ACOX1: variants seen among roughly 807,000 people sequenced by gnomAD.
ACOX1 encodes the protein peroxisomal acyl-coenzyme A oxidase 1.
A neutral mutation model predicts 75.5 loss-of-function variants in ACOX1; 41 were observed. The ratio of observed to expected loss-of-function variants is 0.54; its 90% CI spans 0.42 to 0.70. ACOX1 has a LOEUF of 0.70. Among genes scored for constraint, ACOX1 ranks in the 30% least tolerant of loss-of-function variants. The pLI is 0.00. For missense variants in ACOX1, 630 were observed against 837.5 expected (o/e 0.75, Z 3.06); for synonymous variants, 303 against 298.8 (o/e 1.01, Z -0.15).
At chr17:75,967,620 A>ATATATATACG (rs1491445873) in intron 2 of ACOX1, among the ~76,000 whole-genome samples, 5 of 91,924 alleles carry the variant, frequency 5.4e-5, no homozygotes, top group Admixed American at 2.8e-4. Context: ...ATATACATAC[A>ATATATATACG]TATATATATA....
intron 2 of ACOX1, among the ~76,000 whole-genome samples, chr17:75,967,193 G>A (rs1369278295): frequency 1.3e-5 from 2 of 152,106 alleles, no homozygotes; most frequent in Non-Finnish European, 2.9e-5. Flanking sequence ...AGAAGAGGCC[G>A]GGCGTGGTGG....
At chr17:75,972,327 C>CA (rs58820718) in intron 2 of ACOX1, among the ~76,000 whole-genome samples, 15,508 of 110,796 alleles carry the variant, frequency 0.14, 1,301 homozygotes, top group African/African-American at 0.26. Context: ...ACTCTGTCTC[C>CA]AAAAAAAAAA....
intron 2 of ACOX1, among the ~76,000 whole-genome samples, chr17:75,970,714 T>A (rs901647337): frequency 1.3e-5 from 2 of 152,246 alleles, no homozygotes; most frequent in Admixed American, 1.3e-4. Flanking sequence ...TGTTCACTGT[T>A]GATCCATTTT....
At chr17:75,963,212 T>G (rs373009868) in intron 2 of ACOX1, among the ~76,000 whole-genome samples, 1 of 152,118 alleles carries the variant, frequency 6.6e-6, no homozygotes, top group Non-Finnish European at 1.5e-5. Flanking sequence ...CCTGAAAAGT[T>G]ACCTACTGGG....
In ACOX1 at chr17:75,960,464, C is replaced by A. The variant is rs74757021; in HGVS notation, c.270-89G>T. On this transcript the variant is annotated intron_variant, in intron 2 of 13. Coordinates refer to ENST00000293217, the MANE Select transcript of ACOX1 (RefSeq NM_004035.7). This position sits in a 1 kb window ranked among gnomAD's most constrained non-coding sequence, Gnocchi z 4.4. The stretch of plus-strand genomic sequence containing the variant: ...ATTTAAATAGAGCAAGGGAAGGAGA[C>A]AAAAAAACCTTAAGTATGAATTAGT... The A allele has an allele frequency of 1.4e-6, 2 of 1,379,922 alleles. No homozygotes were observed. The highest frequency in any genetic ancestry group is 2.0e-5 in the Admixed American group (1 of 50,906). The allele number at this position is 1,379,922 out of a possible 1,614,324, so 85.5% of individuals were successfully genotyped here.
Position 75,978,409 on chromosome 17 carries a change from A to T in ACOX1, c.269+125T>A. 1 of 1,340,614 alleles carries T rather than the reference A, an allele frequency of 7.5e-7. No homozygotes were observed. Among genetic ancestry groups the T allele is most frequent in the Non-Finnish European group, 1.1e-6 (1 of 942,716 alleles). The allele number at this position is 1,340,614 out of a possible 1,614,324, so 83.0% of individuals were successfully genotyped here. On this transcript the variant is annotated intron_variant, in intron 2 of 13. Transcript: ENST00000293217. The surrounding 1 kb of genome is among the most constrained non-coding windows in gnomAD (Gnocchi z 4.2). ...CGCCCGGCCACACATATAACTTTAT[A>T]AAGTTGCATGAAAATATGCCAGTTT... is the stretch of plus-strand genomic sequence containing the variant.
chr17:75,971,291 CAA>C (rs376674086), intron 2 of ACOX1, among the ~76,000 whole-genome samples: 51 of 92,304 alleles, frequency 5.5e-4, no homozygotes, highest in Admixed American at 4.6e-4. Flanking sequence ...AACTCTGTCT[CAA>C]AAAAAAAAAA....
At chr17:75,953,709 G>T in intron 6 of ACOX1, 89 bp from the exon 7 acceptor site, 1 of 1,460,120 alleles carries the variant, frequency 6.8e-7, no homozygotes, top group Non-Finnish European at 9.6e-7. Context: ...TGGAATAGCA[G>T]CATCAGCATC....
intron 2 of ACOX1, among the ~76,000 whole-genome samples, chr17:75,966,825 G>A (rs1006383347): frequency 4.0e-5 from 6 of 151,622 alleles, no homozygotes; most frequent in Admixed American, 2.6e-4. Flanking sequence ...AGCACCAGTG[G>A]TCAAAATTTA....
chr17:75,955,697 G>C lies in ACOX1; in HGVS notation c.659-16C>G. 1 of 1,612,382 alleles carries C rather than the reference G, an allele frequency of 6.2e-7. No homozygotes were observed. The highest frequency in any genetic ancestry group is 8.5e-7 in the Non-Finnish European group (1 of 1,178,454). ...ACGGTAATTCCTACCACAGATGAAAGGACAGTCACGAGATGTTTATGCTCT... is the reference window on the plus strand; with the variant it reads ...ACGGTAATTCCTACCACAGATGAAACGACAGTCACGAGATGTTTATGCTCT... On this transcript the variant is annotated splice_polypyrimidine_tract_variant and intron_variant, in intron 5 of 13. Coordinates refer to ENST00000293217, the MANE Select transcript of ACOX1 (RefSeq NM_004035.7).
chr17:75,957,612 A>C, intron 3 of ACOX1, 46 bp from the exon 4 acceptor site: 1 of 1,478,398 alleles, frequency 6.8e-7, no homozygotes, highest in Non-Finnish European at 9.5e-7. Context: ...ATGGGGAAAA[A>C]AATAGGCACA....
chr17:75,956,963 CTCTCTCTCTATATATATATATATATA>C (rs1311761727), intron 4 of ACOX1, among the ~76,000 whole-genome samples: 517 of 19,064 alleles, frequency 0.027, 8 homozygotes, highest in South Asian at 0.035. Flanking sequence ...CTCTCTCTCT[CTCTCTCTCTATATATATATATATATA>C]TATATATATA....
chr17:75,971,121 G>A (rs545985758), intron 2 of ACOX1, among the ~76,000 whole-genome samples: 6 of 151,754 alleles, frequency 4.0e-5, no homozygotes, highest in African/African-American at 4.8e-5. Context: ...GAGAAACCCC[G>A]TCTCTACTGA....
intron 2 of ACOX1, among the ~76,000 whole-genome samples, chr17:75,969,933 C>T (rs1339257209): frequency 6.6e-6 from 1 of 151,900 alleles, no homozygotes; most frequent in Admixed American, 6.6e-5. Context: ...ACTTCTAATC[C>T]CAGCACTTTG....
At position 75,946,490 on chromosome 17, in the gene ACOX1, C is replaced by T. The variant is rs1051707242; in HGVS notation, c.*258G>A. 2.1e-6 allele frequency: 1 copy of T among 469,986 alleles called. No homozygotes were observed. 29.1% of individuals were successfully genotyped at this position (469,986 alleles called of 1,614,324 possible). A position where few individuals can be genotyped will look rare whatever the true frequency, so the allele number is the denominator to read the frequency against. ...AGTCATAGTCTACTGGGATCAGCAG[C>T]ATTACAAAAGGAAGTCATATCGCAT... On this transcript the variant is annotated 3_prime_UTR_variant, in exon 14 of 14. Transcript: ENST00000293217.
At chr17:75,963,036 C>T (rs992493620) in intron 2 of ACOX1, among the ~76,000 whole-genome samples, 1 of 151,858 alleles carries the variant, frequency 6.6e-6, no homozygotes. Context: ...GAGGCTGAGG[C>T]AGGAGAATCA....
chr17:75,972,252 A>G (rs2066002506), intron 2 of ACOX1, among the ~76,000 whole-genome samples: 2 of 147,648 alleles, frequency 1.4e-5, no homozygotes, highest in Admixed American at 1.4e-4. Context: ...GCGTGAACCC[A>G]GGAGGCGGAG....
At chr17:75,972,219 TG>T (rs1170733534) in intron 2 of ACOX1, among the ~76,000 whole-genome samples, 1 of 148,378 alleles carries the variant, frequency 6.7e-6, no homozygotes, top group Non-Finnish European at 1.5e-5. Context: ...TCCCAGCTAC[TG>T]AGGAGCTGAG....
chr17:75,960,629 A>G lies in ACOX1; in HGVS notation c.270-254T>C, dbSNP rs560216600. On this transcript the variant is annotated intron_variant, in intron 2 of 13. Transcript: ENST00000293217. The surrounding 1 kb of genome is among the most constrained non-coding windows in gnomAD (Gnocchi z 4.4). ...TGATTCCAAAGCCAATGCAGCACAAAACCACACGTGCAAGGCAGAGGATCC... is the reference window on the plus strand; with the variant it reads ...TGATTCCAAAGCCAATGCAGCACAAGACCACACGTGCAAGGCAGAGGATCC... Among the ~76,000 whole-genome samples the G allele has an allele frequency of 6.6e-6, 1 of 152,316 alleles. No individual in the cohort carries two copies. The highest frequency in any genetic ancestry group is 2.1e-4 in the South Asian group (1 of 4,828).
Sources: gnomAD v4.1 joint callset for allele counts (sites outside exome capture counted in the v4.1 genomes callset) on GRCh38, gnomAD v4.1.1 for gene constraint, Gnocchi (gnomAD v3.1) non-coding constraint, MANE v1.5 for transcripts, NCBI Gene and HGNC (gene_info 2026-07-23, HGNC 2026-07-21) for gene names.